The following PTPRN2 variants were observed in gnomAD, a reference collection of about 807,000 sequenced individuals.
PTPRN2 encodes receptor-type tyrosine-protein phosphatase N2.
A neutral mutation model predicts 118.8 loss-of-function variants in PTPRN2; 74 were observed. The ratio of observed to expected loss-of-function variants is 0.62; its 90% CI spans 0.52 to 0.76. The LOEUF (loss-of-function observed/expected upper bound fraction) is 0.76. Ranked by LOEUF, PTPRN2 falls within the 30% of genes least tolerant of loss-of-function variation. The pLI is 0.00. For missense variants in PTPRN2, 1,481 were observed against 1,394.4 expected (o/e 1.06, Z -0.99); for synonymous variants, 641 against 608.0 (o/e 1.05, Z -0.80).
At chr7:157,942,647 A>G (rs1176921518) in intron 11 of PTPRN2, among the ~76,000 whole-genome samples, 1 of 152,032 alleles carries the variant, frequency 6.6e-6, no homozygotes, top group African/African-American at 2.4e-5. Flanking sequence ...TGTACATCGC[A>G]AGTGTCTAAA....
chr7:158,111,627 T>C (rs1480180566), intron 9 of PTPRN2, among the ~76,000 whole-genome samples: 6 of 152,206 alleles, frequency 3.9e-5, no homozygotes, highest in Non-Finnish European at 5.9e-5. Context: ...GCAAAGGCTT[T>C]CACCCCAGCA....
At chr7:158,543,960 C>T (rs1170109611) in intron 1 of PTPRN2, among the ~76,000 whole-genome samples, 1 of 152,216 alleles carries the variant, frequency 6.6e-6, no homozygotes, top group Non-Finnish European at 1.5e-5. Context: ...AGCCACTGGG[C>T]ATTCCTCCCT....
chr7:157,811,676 C>T (rs1444908818), intron 12 of PTPRN2, among the ~76,000 whole-genome samples: 1 of 152,126 alleles, frequency 6.6e-6, no homozygotes, highest in African/African-American at 2.4e-5. Flanking sequence ...GAGCACTCGG[C>T]TTATGGGAGA....
At position 158,402,409 on chromosome 7, in the gene PTPRN2, A is replaced by T. The variant is rs147734182; in HGVS notation, c.164-85477T>A. Among the ~76,000 whole-genome samples, 1,397 of 152,232 alleles carry T rather than the reference A, an allele frequency of 9.2e-3. 14 individuals are homozygous for T. The highest frequency in any genetic ancestry group is 0.015 in the Non-Finnish European group (1,035 of 68,006). The stretch of plus-strand genomic sequence containing the variant: ...TGACTCTCGGAGGTGGGGCTGGCTC[A>T]TGCTGTTGGCCAGTGCACCCCACGC... On this transcript the variant is annotated intron_variant, in intron 2 of 22. Transcript: ENST00000389418.
intron 11 of PTPRN2, among the ~76,000 whole-genome samples, chr7:157,908,864 AGC>A (rs1281621633): frequency 6.6e-6 from 1 of 151,618 alleles, no homozygotes; most frequent in Non-Finnish European, 1.5e-5. Context: ...TAGCTTTTGA[AGC>A]ATAGTTTTAG....
intron 6 of PTPRN2, among the ~76,000 whole-genome samples, chr7:158,165,754 G>C (rs181572139): frequency 5.9e-5 from 9 of 152,352 alleles, no homozygotes; most frequent in Admixed American, 5.9e-4. Flanking sequence ...TTGGGAAAAG[G>C]CTGTTGGGAA....
At chr7:158,335,435 G>C (rs1184616306) in intron 2 of PTPRN2, among the ~76,000 whole-genome samples, 2 of 34,410 alleles carry the variant, frequency 5.8e-5, no homozygotes, top group Non-Finnish European at 1.2e-4. Context: ...ACCATAAGAG[G>C]TGACACATGC....
chr7:158,535,810 G>A (rs551161657), intron 1 of PTPRN2, among the ~76,000 whole-genome samples: 20 of 150,780 alleles, frequency 1.3e-4, no homozygotes, highest in South Asian at 2.1e-4. Context: ...TTAATATAGC[G>A]GCTATACTTG....
chr7:158,568,336 C>A (rs959713937), intron 1 of PTPRN2, among the ~76,000 whole-genome samples: 3 of 152,016 alleles, frequency 2.0e-5, no homozygotes, highest in Non-Finnish European at 4.4e-5. Context: ...AACTGAGATG[C>A]AGAGAAAGGA....
At chr7:157,925,306 C>T (rs933969029) in intron 11 of PTPRN2, among the ~76,000 whole-genome samples, 9 of 151,662 alleles carry the variant, frequency 5.9e-5, no homozygotes, top group Non-Finnish European at 1.3e-4. Flanking sequence ...GATGCAGGCA[C>T]CTGCGTTTAG....
intron 9 of PTPRN2, among the ~76,000 whole-genome samples, chr7:158,126,773 G>C (rs956624419): frequency 6.6e-6 from 1 of 152,190 alleles, no homozygotes; most frequent in African/African-American, 2.4e-5. Context: ...ACAGTGAGCC[G>C]AGGAAGGGGC....
chr7:157,968,968 A>C lies in PTPRN2; in HGVS notation c.1724-70231T>G, dbSNP rs1036454391. On this transcript the variant is annotated intron_variant, in intron 11 of 22. Transcript: ENST00000389418. ...GAAGGTGCCGAAGAAACAGCAAGAG[A>C]CCTCCTTGTCCAGGTAGCCACAAAG... Among the ~76,000 whole-genome samples the C allele has an allele frequency of 2.0e-5, 3 of 152,182 alleles. No homozygotes were observed. In the East Asian group the frequency reaches 5.8e-4, roughly 29 times the overall value.
At chr7:158,390,710 C>G (rs1217486839) in intron 2 of PTPRN2, among the ~76,000 whole-genome samples, 1 of 152,252 alleles carries the variant, frequency 6.6e-6, no homozygotes, top group Non-Finnish European at 1.5e-5. Context: ...AGCCCCTCAG[C>G]TCTCAGCGCA....
Position 158,502,584 on chromosome 7 carries a change from C to T in PTPRN2, c.113-12799G>A, listed in dbSNP as rs141377689. ...TGCACTTGCCGAGTCCCCTGGAGCA[C>T]GGAAAAGGCTGTGTCAAGTGGTCTC... On this transcript the variant is annotated intron_variant, in intron 1 of 22. Coordinates refer to ENST00000389418, the MANE Select transcript of PTPRN2 (RefSeq NM_002847.5). 6.0e-3 allele frequency among the ~76,000 whole-genome samples: 908 copies of T among 152,360 alleles called. 7 individuals are homozygous for T. Among genetic ancestry groups the T allele is most frequent in the African/African-American group, 0.021 (871 of 41,580 alleles).
At chr7:157,900,218 A>G (rs1797362729) in intron 11 of PTPRN2, among the ~76,000 whole-genome samples, 1 of 152,210 alleles carries the variant, frequency 6.6e-6, no homozygotes. Context: ...CAGGCTCGGC[A>G]GGCCCACGGC....
At position 158,563,777 on chromosome 7, in the gene PTPRN2, T is replaced by G. The variant is rs1279529172; in HGVS notation, c.112+23781A>C. On this transcript the variant is annotated intron_variant, in intron 1 of 22. Transcript: ENST00000389418. This position sits in a 1 kb window ranked among gnomAD's most constrained non-coding sequence, Gnocchi z 5.1. ...CCTCCCTTCCCCTTATCCCTCAGATTGTGAAGAAACAAGTGAGGTCTTTGA... is the reference window on the plus strand; with the variant it reads ...CCTCCCTTCCCCTTATCCCTCAGATGGTGAAGAAACAAGTGAGGTCTTTGA... Among the ~76,000 whole-genome samples the G allele has an allele frequency of 6.6e-6, 1 of 152,214 alleles. No homozygotes were observed. Among genetic ancestry groups the G allele is most frequent in the Non-Finnish European group, 1.5e-5 (1 of 68,036 alleles).
At chr7:158,274,731 C>T (rs768934925) in intron 3 of PTPRN2, among the ~76,000 whole-genome samples, 67 of 152,152 alleles carry the variant, frequency 4.4e-4, no homozygotes, top group Non-Finnish European at 6.8e-4. Flanking sequence ...AGGTACCCTA[C>T]GGGGGGAGTC....
At chr7:157,816,184 TCGCCTCCTGCCTCC>T (rs1806386320) in intron 12 of PTPRN2, among the ~76,000 whole-genome samples, 1 of 152,104 alleles carries the variant, frequency 6.6e-6, no homozygotes, top group Non-Finnish European at 1.5e-5. Flanking sequence ...CCCTGCCGGC[TCGCCTCCTGCCTCC>T]CGCCTCCTAG....
At chr7:157,880,117 C>T (rs1028062283) in intron 12 of PTPRN2, among the ~76,000 whole-genome samples, 1 of 152,148 alleles carries the variant, frequency 6.6e-6, no homozygotes, top group Non-Finnish European at 1.5e-5. Context: ...TGTTTTTCAT[C>T]CCCGTAATCT....
Sources: allele counts gnomAD v4.1 joint callset (sites outside exome capture counted in the v4.1 genomes callset), GRCh38; gene constraint gnomAD v4.1.1; non-coding constraint Gnocchi (gnomAD v3.1); transcripts MANE v1.5; gene names NCBI Gene and HGNC (gene_info 2026-07-23, HGNC 2026-07-21).